The following CCDC66 variants were observed in gnomAD, a reference collection of about 807,000 sequenced individuals.
CCDC66 encodes coiled-coil domain-containing protein 66.
A neutral mutation model predicts 128.3 loss-of-function variants in CCDC66; 133 were observed. The ratio of observed to expected loss-of-function variants is 1.04; its 90% CI spans 0.90 to 1.20. The LOEUF (loss-of-function observed/expected upper bound fraction) is 1.20. Among genes scored for constraint, CCDC66 ranks in the 50% most tolerant of loss-of-function variants. CCDC66 has a pLI of 0.00. For missense variants in CCDC66, 1,126 were observed against 1,075.5 expected (o/e 1.05, Z -0.66); for synonymous variants, 387 against 357.0 (o/e 1.08, Z -0.95).
At chr3:56,596,959 C>G (rs567536462) in intron 10 of CCDC66, among the ~76,000 whole-genome samples, 28 of 149,430 alleles carry the variant, frequency 1.9e-4, no homozygotes, top group African/African-American at 6.9e-4. Flanking sequence ...GGGGTTTCAC[C>G]ATGTTGGCCA....
chr3:56,557,229 T>A lies in CCDC66; in HGVS notation c.-14T>A, dbSNP rs977478932. On this transcript the variant is annotated 5_prime_UTR_variant, in exon 1 of 18. Coordinates refer to ENST00000394672, the MANE Select transcript of CCDC66 (RefSeq NM_001141947.3). Reference sequence around the variant, plus strand: ...GGGCTTGAGCGTTCTGTGGAGAGAGTGCGAGGTCAGGCCATGAACTTGGGG... The same window carrying A: ...GGGCTTGAGCGTTCTGTGGAGAGAGAGCGAGGTCAGGCCATGAACTTGGGG... The A allele has an allele frequency of 1.3e-6, 2 of 1,546,530 alleles. No homozygotes were observed. Among genetic ancestry groups the A allele is most frequent in the Admixed American group, 2.0e-5 (1 of 50,338 alleles).
intron 12 of CCDC66, 45 bp downstream of exon 12, chr3:56,615,317 G>C: frequency 6.5e-7 from 1 of 1,535,154 alleles, no homozygotes; most frequent in Non-Finnish European, 8.8e-7. Context: ...TTTAGAAGAT[G>C]ATTTTAAATA....
Position 56,578,284 on chromosome 3 carries a change from C to T in CCDC66, c.936+6982C>T, listed in dbSNP as rs202170270. ...GTATCCTGAGACTTTGCTGAAGTTG[C>T]TTATCAGCTTAAGGAGATTTGGGGC... On this transcript the variant is annotated intron_variant, in intron 7 of 17. Coordinates refer to ENST00000394672, the MANE Select transcript of CCDC66 (RefSeq NM_001141947.3). 4.5e-4 allele frequency among the ~76,000 whole-genome samples: 69 copies of T among 151,836 alleles called. 5 individuals carry two copies. In the East Asian group the frequency reaches 0.013, roughly 28 times the overall value.
At chr3:56,566,476 T>G in intron 4 of CCDC66, 118 bp from the exon 5 acceptor site, 2 of 621,088 alleles carry the variant, frequency 3.2e-6, no homozygotes, top group Non-Finnish European at 5.3e-6. Context: ...CCTCAAGGAT[T>G]GTTTTGAGAG....
chr3:56,597,391 G>T (rs1438927708), intron 10 of CCDC66, among the ~76,000 whole-genome samples: 2 of 151,590 alleles, frequency 1.3e-5, no homozygotes, highest in African/African-American at 2.4e-5. Context: ...GCTCTTTTTT[G>T]GTTTCATAGA....
intron 7 of CCDC66, among the ~76,000 whole-genome samples, chr3:56,573,912 A>G (rs946499524): frequency 2.7e-5 from 2 of 74,906 alleles, no homozygotes; most frequent in Admixed American, 3.8e-4. Flanking sequence ...TTAAATAACT[A>G]AAAAAAAACA....
At chr3:56,592,913 T>G (rs2071181368) in intron 7 of CCDC66, 57 bp from the exon 8 acceptor site, 2 of 1,577,530 alleles carry the variant, frequency 1.3e-6, no homozygotes, top group African/African-American at 1.4e-5. Context: ...TTTGCACATA[T>G]TAAGTGATTA....
intron 12 of CCDC66, 171 bp from the exon 13 acceptor site, chr3:56,615,751 T>A: frequency 2.3e-6 from 1 of 436,396 alleles, no homozygotes; most frequent in South Asian, 3.6e-5. Flanking sequence ...AATTATTAAA[T>A]GATCTCCCTA....
At chr3:56,621,441 G>A (rs1177860716) in intron 17 of CCDC66, 91 bp from the exon 18 acceptor site, 3 of 901,500 alleles carry the variant, frequency 3.3e-6, no homozygotes, top group Non-Finnish European at 4.9e-6. Flanking sequence ...TAAGCGATAT[G>A]TTTTCCAAGT....
chr3:56,569,757 A>G (rs2066380222), intron 6 of CCDC66: 1 of 152,242 alleles, frequency 6.6e-6, no homozygotes, highest in Non-Finnish European at 1.5e-5. Flanking sequence ...ATTCCACATC[A>G]AAATGCAATA....
At chr3:56,591,897 A>G (rs1039165137) in intron 7 of CCDC66, among the ~76,000 whole-genome samples, 9 of 152,166 alleles carry the variant, frequency 5.9e-5, no homozygotes, top group African/African-American at 2.2e-4. Flanking sequence ...TCTGTCAAAC[A>G]GTTTTTCTTA....
intron 10 of CCDC66, among the ~76,000 whole-genome samples, chr3:56,594,596 T>C (rs2071532675): frequency 6.6e-6 from 1 of 151,414 alleles, no homozygotes; most frequent in Admixed American, 6.6e-5. Context: ...GGTGGGAGAA[T>C]GGCATGAACC....
At chr3:56,575,142 G>C (rs1470933190) in intron 7 of CCDC66, among the ~76,000 whole-genome samples, 1 of 151,560 alleles carries the variant, frequency 6.6e-6, no homozygotes, top group African/African-American at 2.4e-5. Context: ...GTAATTTTGT[G>C]TTAAACTATT....
At chr3:56,582,434 G>A (rs1278640354) in intron 7 of CCDC66, among the ~76,000 whole-genome samples, 1 of 151,866 alleles carries the variant, frequency 6.6e-6, no homozygotes, top group African/African-American at 2.4e-5. Context: ...GATGAACCTG[G>A]TACCTCAGTT....
chr3:56,608,907 T>C (rs949146375), intron 10 of CCDC66, among the ~76,000 whole-genome samples: 6 of 152,200 alleles, frequency 3.9e-5, no homozygotes, highest in African/African-American at 1.4e-4. Context: ...CATGTATTTG[T>C]GTGGTTTTGA....
rs745683890 is a variant in CCDC66, at chr3:56,564,033, G to A, written c.452G>A (p.Cys151Tyr). 1 of 1,613,864 alleles carries A rather than the reference G, an allele frequency of 6.2e-7. No individual in the cohort carries two copies. Among genetic ancestry groups the A allele is most frequent in the African/African-American group, 1.3e-5 (1 of 74,930 alleles). ...GAAAACATGAAGAGCAGTTTGGTGTGTCTAACACAAGACCAACTACAACAG... is the reference window on the plus strand; with the variant it reads ...GAAAACATGAAGAGCAGTTTGGTGTATCTAACACAAGACCAACTACAACAG... ...TAENMKSSLV[C>Y]LTQDQLQQIL... The change falls in exon 4 of 18, where the codon TGT becomes TAT. Residue 151 changes from cysteine to tyrosine, a missense_variant. Physicochemically the swap from Cys to Tyr is radical, Grantham distance 194 (BLOSUM62 -2). Coordinates refer to ENST00000394672, the MANE Select transcript of CCDC66 (RefSeq NM_001141947.3).
At chr3:56,568,906 A>G (rs1489127036) in intron 6 of CCDC66, among the ~76,000 whole-genome samples, 1 of 152,254 alleles carries the variant, frequency 6.6e-6, no homozygotes, top group Non-Finnish European at 1.5e-5. Flanking sequence ...GCGTATCACA[A>G]TCTGCAAAAC....
chr3:56,559,207 T>C (rs192655609), intron 2 of CCDC66, among the ~76,000 whole-genome samples: 147 of 152,294 alleles, frequency 9.7e-4, no homozygotes, highest in African/African-American at 3.4e-3. Context: ...AAAATTTATG[T>C]AATTATGTTC....
chr3:56,616,429 G>A (rs181522614), intron 13 of CCDC66: 183 of 207,144 alleles, frequency 8.8e-4, no homozygotes, highest in African/African-American at 3.5e-3. Flanking sequence ...ACCACATAAC[G>A]GTCTTCTCTG....
Sources: gnomAD v4.1 joint callset for allele counts (sites outside exome capture counted in the v4.1 genomes callset) on GRCh38, gnomAD v4.1.1 for gene constraint, MANE v1.5 for transcripts, NCBI Gene and HGNC (gene_info 2026-07-23, HGNC 2026-07-21) for gene names.